RASGRP3: variants seen among roughly 807,000 people sequenced by gnomAD.
The protein encoded by RASGRP3 is ras guanyl-releasing protein 3.
In RASGRP3, 54 loss-of-function variants were observed where a neutral mutation model predicts 82.7. That is an observed-to-expected ratio of 0.65 (90% CI 0.52 to 0.82). RASGRP3 has a LOEUF of 0.82. Ranked by LOEUF, RASGRP3 falls within the 40% of genes least tolerant of loss-of-function variation. The pLI is 0.00. For synonymous variants in RASGRP3, 309 were observed against 300.5 expected (o/e 1.03, Z -0.29); for missense variants, 861 against 828.9 (o/e 1.04, Z -0.48).
chr2:33,501,148 A>AT (rs765270025), intron 1 of RASGRP3, among the ~76,000 whole-genome samples: 5 of 152,082 alleles, frequency 3.3e-5, no homozygotes, highest in South Asian at 2.1e-4. Context: ...TATTCTACAT[A>AT]TTTTCTATAA....
intron 1 of RASGRP3, among the ~76,000 whole-genome samples, chr2:33,497,869 A>C (rs558529289): frequency 2.6e-5 from 4 of 152,342 alleles, no homozygotes; most frequent in African/African-American, 9.6e-5. Flanking sequence ...CATATTATAG[A>C]ATTTTCATTT....
intron 10 of RASGRP3, chr2:33,532,106 G>A (rs1275767287): frequency 2.6e-5 from 4 of 152,244 alleles, no homozygotes; most frequent in Non-Finnish European, 4.4e-5. Flanking sequence ...GCCTGGCACA[G>A]TTGTCTGTTG....
intron 2 of RASGRP3, among the ~76,000 whole-genome samples, chr2:33,459,757 G>A (rs764064339): frequency 1.4e-4 from 22 of 152,268 alleles, no homozygotes; most frequent in South Asian, 4.1e-4. Flanking sequence ...GTGTCTGCTC[G>A]CTGAAAGTTG....
At chr2:33,442,656 C>G (rs574398671) in intron 1 of RASGRP3, among the ~76,000 whole-genome samples, 2 of 152,206 alleles carry the variant, frequency 1.3e-5, no homozygotes, top group Non-Finnish European at 2.9e-5. Context: ...TATGACTTCA[C>G]TGCATTCATC....
Position 33,505,436 on chromosome 2 carries a change from G to C in RASGRP3, c.-260-6274G>C, listed in dbSNP as rs550070029. 7.9e-5 allele frequency among the ~76,000 whole-genome samples: 12 copies of C among 151,968 alleles called. No individual in the cohort carries two copies. The South Asian group carries it at 2.1e-3, about 26-fold the overall frequency. ...TCCTGCCTCAGCCTCCTGAGTAGCT[G>C]GGATTACTGGCATGAGCCACCACTC... On this transcript the variant is annotated intron_variant, in intron 1 of 17. Coordinates refer to ENST00000403687, the MANE Select transcript of RASGRP3 (RefSeq NM_001139488.2).
intron 1 of RASGRP3, among the ~76,000 whole-genome samples, chr2:33,502,661 C>CA (rs1272740300): frequency 6.6e-6 from 1 of 151,870 alleles, no homozygotes; most frequent in African/African-American, 2.4e-5. Context: ...TACAGGCACG[C>CA]ACCACCACAC....
chr2:33,562,641 A>G (rs1008129085), intron 17 of RASGRP3, 88 bp from the exon 18 acceptor site: 1 of 1,430,786 alleles, frequency 7.0e-7, no homozygotes, highest in Non-Finnish European at 9.8e-7. Context: ...ATGTTCCCTC[A>G]AAGTCATCTG....
chr2:33,519,767 C>T (rs1671837421), intron 4 of RASGRP3, among the ~76,000 whole-genome samples, 185 bp from the exon 5 acceptor site: 3 of 152,126 alleles, frequency 2.0e-5, no homozygotes, highest in Admixed American at 2.0e-4. Context: ...CATTCCAGAG[C>T]TATAATAAAT....
At chr2:33,509,373 G>T (rs1011929904) in intron 1 of RASGRP3, among the ~76,000 whole-genome samples, 1 of 151,724 alleles carries the variant, frequency 6.6e-6, no homozygotes, top group Non-Finnish European at 1.5e-5. Context: ...CTGCACTCCA[G>T]CCTGGGCAAC....
At chr2:33,511,553 T>C (rs1324104369) in intron 1 of RASGRP3, among the ~76,000 whole-genome samples, 157 bp from the exon 2 acceptor site, 1 of 152,228 alleles carries the variant, frequency 6.6e-6, no homozygotes, top group Non-Finnish European at 1.5e-5. Flanking sequence ...ATTTTGAATA[T>C]TTGCCCTTGT....
chr2:33,536,384 A>G (rs957569397), intron 11 of RASGRP3, among the ~76,000 whole-genome samples: 11 of 151,474 alleles, frequency 7.3e-5, no homozygotes, highest in Non-Finnish European at 1.5e-4. Flanking sequence ...GAGAGTAGGT[A>G]TCTCACTCGG....
chr2:33,545,989 C>A (rs1242307924), intron 13 of RASGRP3, among the ~76,000 whole-genome samples: 1 of 150,522 alleles, frequency 6.6e-6, no homozygotes, highest in African/African-American at 2.4e-5. Flanking sequence ...CTTTTTTTTT[C>A]AGTAGAAACG....
intron 7 of RASGRP3, 145 bp from the exon 8 acceptor site, chr2:33,523,734 A>C (rs904177243): frequency 2.2e-6 from 2 of 908,650 alleles, no homozygotes; most frequent in Admixed American, 2.9e-5. Context: ...TGTATATTCA[A>C]ACTTTTAGGA....
At chr2:33,457,478 C>T (rs1666100992) in intron 2 of RASGRP3, among the ~76,000 whole-genome samples, 1 of 152,114 alleles carries the variant, frequency 6.6e-6, no homozygotes, top group African/African-American at 2.4e-5. Flanking sequence ...CTTTCCATTA[C>T]ATCTTTTTCA....
At chr2:33,559,591 G>A (rs1676418377) in intron 17 of RASGRP3, 1 of 518,528 alleles carries the variant, frequency 1.9e-6, no homozygotes. Context: ...GATGCAGATG[G>A]AATTTGTTAG....
chr2:33,440,608 C>G (rs62147113), intron 1 of RASGRP3, among the ~76,000 whole-genome samples: 18,273 of 152,168 alleles, frequency 0.12, 1,241 homozygotes, highest in South Asian at 0.24. Context: ...GTAGAATTCT[C>G]CATCTTTTGG....
At position 33,467,979 on chromosome 2, in the gene RASGRP3, T is replaced by TC. The variant is rs1558409665; in HGVS notation, c.-261+20036_-261+20037insC. 1.2e-3 allele frequency among the ~76,000 whole-genome samples: 127 copies of TC among 109,256 alleles called. 1 individual carries two copies. Among genetic ancestry groups the TC allele is most frequent in the Middle Eastern group, 5.3e-3 (1 of 190 alleles). The allele number at this position is 109,256 out of a possible 152,430, so 71.7% of individuals were successfully genotyped here. On this transcript the variant is annotated intron_variant, in intron 2 of 18. Transcript: ENST00000402538. Reference sequence around the variant, plus strand: ...TGGTTTTTCTAATGGATGGTGAGGCTTTTTCTTTCTTTCTTTCTTTCTTTC... The same window carrying TC: ...TGGTTTTTCTAATGGATGGTGAGGCTCTTTTCTTTCTTTCTTTCTTTCTTTC...
At chr2:33,512,251 G>C (rs912461144) in intron 2 of RASGRP3, among the ~76,000 whole-genome samples, 49 of 152,300 alleles carry the variant, frequency 3.2e-4, no homozygotes, top group Middle Eastern at 3.4e-3. Flanking sequence ...ATGAGTCTTT[G>C]GTTCCAGGTT....
chr2:33,440,115 T>G (rs1478906217), intron 1 of RASGRP3, among the ~76,000 whole-genome samples: 5 of 152,044 alleles, frequency 3.3e-5, no homozygotes, highest in Non-Finnish European at 1.5e-5. Context: ...GGGATGGGGA[T>G]TTTGGTTTCA....
Sources: gnomAD v4.1 joint callset for allele counts (sites outside exome capture counted in the v4.1 genomes callset) on GRCh38, gnomAD v4.1.1 for gene constraint, MANE v1.5 for transcripts, NCBI Gene and HGNC (gene_info 2026-07-23, HGNC 2026-07-21) for gene names.